The following NSFL1C variants were observed in gnomAD, a reference collection of about 807,000 sequenced individuals.
NSFL1C encodes the protein NSFL1 cofactor p47.
Under a neutral mutation model 43.1 loss-of-function variants are expected in NSFL1C, and 14 were observed. The ratio of observed to expected loss-of-function variants is 0.32; its 90% CI spans 0.21 to 0.51. The LOEUF (loss-of-function observed/expected upper bound fraction) is 0.51, where lower values mean the gene tolerates loss of function less well. Among genes scored for constraint, NSFL1C ranks in the 20% least tolerant of loss-of-function variants. The pLI, the probability that NSFL1C is intolerant of heterozygous loss-of-function variation, is 0.98. For missense variants in NSFL1C, 406 were observed against 472.5 expected, an observed-to-expected ratio of 0.86 and a Z score of 1.30; for synonymous variants, 171 against 183.5, an observed-to-expected ratio of 0.93 and a Z score of 0.55.
At chr20:1,455,582 C>T (rs2090280830) in intron 3 of NSFL1C, 4 of 755,654 alleles carry the variant, frequency 5.3e-6, no homozygotes, top group Admixed American at 1.8e-5. Flanking sequence ...GTGGCACTGG[C>T]ATGGTTAGTA....
chr20:1,458,622 TAAG>T (rs1270275586), intron 2 of NSFL1C, among the ~76,000 whole-genome samples: 2 of 149,978 alleles, frequency 1.3e-5, no homozygotes, highest in Non-Finnish European at 1.5e-5. Flanking sequence ...AGTACAGACT[TAAG>T]TAGTACAGAC....
intron 4 of NSFL1C, 75 bp downstream of exon 4, chr20:1,454,892 C>G: frequency 6.7e-7 from 1 of 1,484,652 alleles, no homozygotes; most frequent in Non-Finnish European, 9.3e-7. Context: ...TCAGTCACTA[C>G]CGGGGTGAAG....
In NSFL1C at chr20:1,442,476, T is replaced by C. The variant is rs1184329850; in HGVS notation, c.*1273A>G. On this transcript the variant is annotated 3_prime_UTR_variant, in exon 9 of 9. Coordinates refer to ENST00000216879, the MANE Select transcript of NSFL1C (RefSeq NM_016143.5). ...TGGTGAGGCCTGCTTGGAAAGAGGA[T>C]TGAGGCACATTACGATTCCAAACCA... 6.6e-6 allele frequency: 1 copy of C among 152,206 alleles called. No homozygotes were observed. The highest frequency in any genetic ancestry group is 2.4e-5 in the African/African-American group (1 of 41,438). The allele number at this position is 152,206 out of a possible 1,614,324, so 9.4% of individuals were successfully genotyped here. A position where few individuals can be genotyped will look rare whatever the true frequency, so the allele number is the denominator to read the frequency against.
chr20:1,452,432 G>A, intron 7 of NSFL1C, 61 bp downstream of exon 7: 1 of 1,588,314 alleles, frequency 6.3e-7, no homozygotes, highest in Non-Finnish European at 8.6e-7. Flanking sequence ...GATACACAGG[G>A]TCTGCTGGGC....
In NSFL1C at chr20:1,443,558, T is replaced by C; in HGVS notation, c.*191A>G. On this transcript the variant is annotated 3_prime_UTR_variant, in exon 9 of 9. Coordinates refer to ENST00000216879, the MANE Select transcript of NSFL1C (RefSeq NM_016143.5). ...TTTTTTCATTAAAGTCCATTGATCATCACAAAAACCCAGGAAATGCAACTA... is the reference window on the plus strand; with the variant it reads ...TTTTTTCATTAAAGTCCATTGATCACCACAAAAACCCAGGAAATGCAACTA... The C allele has an allele frequency of 1.9e-6, 1 of 516,596 alleles. No individual in the cohort carries two copies. The highest frequency in any genetic ancestry group is 3.4e-6 in the Non-Finnish European group (1 of 294,392). 32.0% of individuals were successfully genotyped at this position (516,596 alleles called of 1,614,324 possible).
intron 5 of NSFL1C, among the ~76,000 whole-genome samples, chr20:1,453,478 A>G (rs1437123306): frequency 2.6e-5 from 4 of 152,178 alleles, no homozygotes; most frequent in Non-Finnish European, 5.9e-5. Flanking sequence ...GTCCGACTAA[A>G]CTACCATGGC....
chr20:1,458,854 A>C (rs750825906), intron 2 of NSFL1C, among the ~76,000 whole-genome samples: 2 of 152,074 alleles, frequency 1.3e-5, no homozygotes, highest in Non-Finnish European at 2.9e-5. Flanking sequence ...CGAGGGTGAC[A>C]GCACTGGAGG....
At chr20:1,462,487 A>G (rs142853938) in intron 2 of NSFL1C, among the ~76,000 whole-genome samples, 17 of 151,778 alleles carry the variant, frequency 1.1e-4, no homozygotes, top group Admixed American at 8.5e-4. Context: ...CTTCAGTTCT[A>G]ATGTTAAACT....
At chr20:1,460,238 G>A (rs1238906613) in intron 2 of NSFL1C, among the ~76,000 whole-genome samples, 1 of 152,174 alleles carries the variant, frequency 6.6e-6, no homozygotes, top group African/African-American at 2.4e-5. Context: ...TACTACTCTT[G>A]AGTAGCAGTT....
At position 1,464,370 on chromosome 20, in the gene NSFL1C, C is replaced by T. The variant is rs1329186539; in HGVS notation, c.162G>A (p.Ser54=). 3 of 1,614,122 alleles carry T rather than the reference C, an allele frequency of 1.9e-6. No homozygotes were observed. Among genetic ancestry groups the T allele is most frequent in the Admixed American group, 1.7e-5 (1 of 60,008 alleles). The change falls in exon 2 of 9, where the codon TCG becomes TCA. Residue 54 remains serine (S), a synonymous_variant. Coordinates refer to ENST00000216879, the MANE Select transcript of NSFL1C (RefSeq NM_016143.5). ...TGGACACTGAACTGGGGGTTGCCTGCGAAATGGTCACAATGTCTTCATCCC... is the reference window on the plus strand; with the variant it reads ...TGGACACTGAACTGGGGGTTGCCTGTGAAATGGTCACAATGTCTTCATCCC... ...DGGDEDIVTI[S]QATPSSVSRG...
At chr20:1,450,684 C>T (rs1403960848) in intron 7 of NSFL1C, among the ~76,000 whole-genome samples, 1 of 152,078 alleles carries the variant, frequency 6.6e-6, no homozygotes, top group African/African-American at 2.4e-5. Flanking sequence ...TTTTGAAGGG[C>T]AATTTGACAT....
At chr20:1,446,468 T>C (rs1307827118) in intron 7 of NSFL1C, among the ~76,000 whole-genome samples, 1 of 152,174 alleles carries the variant, frequency 6.6e-6, no homozygotes, top group East Asian at 1.9e-4. Context: ...GGATTCATCA[T>C]ACAATGAACA....
At chr20:1,459,837 A>G (rs575486017) in intron 2 of NSFL1C, among the ~76,000 whole-genome samples, 1 of 152,334 alleles carries the variant, frequency 6.6e-6, no homozygotes, top group African/African-American at 2.4e-5. Flanking sequence ...TTTTCCATAC[A>G]TGCTCAGCCT....
rs528971127 is a variant in NSFL1C, at chr20:1,466,834, G to A, written c.-10C>T. 2.0e-6 allele frequency: 3 copies of A among 1,527,762 alleles called. No individual in the cohort carries two copies. Among genetic ancestry groups the A allele is most frequent in the South Asian group, 1.2e-5 (1 of 82,564 alleles). 94.6% of individuals were successfully genotyped at this position (1,527,762 alleles called of 1,614,324 possible). A position where few individuals can be genotyped will look rare whatever the true frequency, so the allele number is the denominator to read the frequency against. On this transcript the variant is annotated 5_prime_UTR_variant, in exon 1 of 9. The change creates a new upstream start codon in the 5' untranslated region. Coordinates refer to ENST00000216879, the MANE Select transcript of NSFL1C (RefSeq NM_016143.5). ...GTCGCTCCGCCGCCATCTTCGCCCC[G>A]TGCGCCTTCCAAAGCGCTCCGGCGG...
chr20:1,461,504 TAGAG>T (rs2090411198), intron 2 of NSFL1C, among the ~76,000 whole-genome samples: 1 of 151,966 alleles, frequency 6.6e-6, no homozygotes, highest in Non-Finnish European at 1.5e-5. Flanking sequence ...AAGGAAGAAT[TAGAG>T]CACCAAAGAA....
chr20:1,455,742 CA>C (rs1483196478), intron 3 of NSFL1C: 8 of 779,378 alleles, frequency 1.0e-5, no homozygotes, highest in Non-Finnish European at 1.9e-5. Flanking sequence ...CCGTGAGGTT[CA>C]AATCAGCAGA....
chr20:1,455,281 C>A, intron 3 of NSFL1C, 149 bp from the exon 4 acceptor site: 1 of 895,010 alleles, frequency 1.1e-6, no homozygotes, highest in Non-Finnish European at 1.8e-6. Flanking sequence ...TGGAAGGAGG[C>A]AAGCAGGTAA....
At chr20:1,457,043 T>C (rs900419701) in intron 3 of NSFL1C, 5 of 152,254 alleles carry the variant, frequency 3.3e-5, no homozygotes, top group African/African-American at 9.6e-5. Flanking sequence ...TAGATGAGTT[T>C]AAGACTTTTT....
In NSFL1C at chr20:1,445,818, C is replaced by A; in HGVS notation, c.798G>T (p.Gln266His). 6.2e-7 allele frequency: 1 copy of A among 1,613,926 alleles called. No individual in the cohort carries two copies. The change falls in exon 8 of 9, where the codon CAG becomes CAT. Residue 266 changes from glutamine to histidine, a missense_variant. Coordinates refer to ENST00000216879, the MANE Select transcript of NSFL1C (RefSeq NM_016143.5). ...GGGCTGGAGAGCTGGTACTCAACAC[C>A]TGGGGGGCAGTGCTGAGGAGAGAGG... Reference protein sequence around the residue: ...EGQKLGSTAPQVLSTSSPAQQ... With the variant: ...EGQKLGSTAPHVLSTSSPAQQ...
Sources: allele counts gnomAD v4.1 joint callset (sites outside exome capture counted in the v4.1 genomes callset), GRCh38; gene constraint gnomAD v4.1.1; transcripts MANE v1.5; gene names NCBI Gene and HGNC (gene_info 2026-07-23, HGNC 2026-07-21).